SPOCK3: variants seen among roughly 807,000 people sequenced by gnomAD.
The protein encoded by SPOCK3 is testican-3.
A neutral mutation model predicts 56.6 loss-of-function variants in SPOCK3; 30 were observed. The observed-to-expected ratio is 0.53, with a 90% CI of 0.40 to 0.72. The LOEUF (loss-of-function observed/expected upper bound fraction) is 0.72. Ranked by LOEUF, SPOCK3 falls within the 30% of genes least tolerant of loss-of-function variation. The pLI, the probability that SPOCK3 is intolerant of heterozygous loss-of-function variation, is 0.00. For missense variants in SPOCK3, 527 were observed against 530.0 expected, an observed-to-expected ratio of 0.99 and a Z score of 0.06; for synonymous variants, 196 against 183.3, an observed-to-expected ratio of 1.07 and a Z score of -0.56.
At chr4:167,088,019 G>C (rs1309234325) in intron 2 of SPOCK3, among the ~76,000 whole-genome samples, 1 of 151,804 alleles carries the variant, frequency 6.6e-6, no homozygotes, top group Non-Finnish European at 1.5e-5. Flanking sequence ...TTTATGAGCT[G>C]TGTCTATCAG....
At chr4:167,007,346 C>G (rs1749567484) in intron 3 of SPOCK3, among the ~76,000 whole-genome samples, 1 of 152,072 alleles carries the variant, frequency 6.6e-6, no homozygotes, top group Admixed American at 6.6e-5. Flanking sequence ...TTTAAGTAAT[C>G]CCTAGATTAT....
At chr4:167,120,779 C>T (rs895163586) in intron 2 of SPOCK3, among the ~76,000 whole-genome samples, 33 of 135,878 alleles carry the variant, frequency 2.4e-4, no homozygotes, top group African/African-American at 9.1e-4. Context: ...TTTTAAACAT[C>T]AAAAATGGTT....
chr4:167,073,069 T>C (rs1215357216), intron 2 of SPOCK3, among the ~76,000 whole-genome samples: 1 of 151,726 alleles, frequency 6.6e-6, no homozygotes, highest in Non-Finnish European at 1.5e-5. Flanking sequence ...TGTTTCCATA[T>C]GTGCAATAAA....
chr4:167,109,481 A>T (rs1320513691), intron 2 of SPOCK3, among the ~76,000 whole-genome samples: 1 of 107,318 alleles, frequency 9.3e-6, no homozygotes, highest in African/African-American at 3.5e-5. Flanking sequence ...ATATATTTAT[A>T]TAAAATATAT....
chr4:166,785,417 C>A (rs1271914256), intron 7 of SPOCK3, among the ~76,000 whole-genome samples: 1 of 151,998 alleles, frequency 6.6e-6, no homozygotes, highest in Non-Finnish European at 1.5e-5. Flanking sequence ...GTCCAAGATT[C>A]AAGTAAAATA....
intron 4 of SPOCK3, among the ~76,000 whole-genome samples, chr4:166,927,466 C>T (rs926201432): frequency 5.3e-5 from 8 of 152,198 alleles, no homozygotes; most frequent in Admixed American, 5.2e-4. Flanking sequence ...CCACGTGGAA[C>T]TGTGAGTCCA....
intron 2 of SPOCK3, among the ~76,000 whole-genome samples, chr4:167,074,346 C>A (rs1275230869): frequency 6.6e-6 from 1 of 151,956 alleles, no homozygotes. Flanking sequence ...TGCAACTCTT[C>A]CACGTGGCTG....
chr4:167,177,727 C>T (rs1363427195), intron 2 of SPOCK3, among the ~76,000 whole-genome samples: 1 of 152,016 alleles, frequency 6.6e-6, no homozygotes, highest in Non-Finnish European at 1.5e-5. Context: ...TTACACTGAC[C>T]TTTTTCTTTT....
At position 167,085,282 on chromosome 4, in the gene SPOCK3, G is replaced by GAA. The variant is rs577928883; in HGVS notation, c.190-22747_190-22746dup. ...AGAGCAGAGAAAAAATGAAAAGAGA[G>GAA]AAAAAAAAATGCCCAAACAGACTTT... On this transcript the variant is annotated intron_variant, in intron 2 of 10. Transcript: ENST00000357545. Among the ~76,000 whole-genome samples the GAA allele has an allele frequency of 2.0e-5, 3 of 150,166 alleles. No homozygotes were observed. The East Asian group carries it at 5.9e-4, about 29-fold the overall frequency.
At chr4:166,739,816 C>G (rs1344626650) in intron 9 of SPOCK3, among the ~76,000 whole-genome samples, 9 of 151,686 alleles carry the variant, frequency 5.9e-5, no homozygotes, top group Non-Finnish European at 1.3e-4. Context: ...AACATCATAA[C>G]TTCACTATCT....
intron 2 of SPOCK3, among the ~76,000 whole-genome samples, chr4:167,088,914 A>G (rs2150305730): frequency 6.6e-6 from 1 of 152,288 alleles, no homozygotes; most frequent in South Asian, 2.1e-4. Flanking sequence ...AGTCATTCAC[A>G]TATGTTCCCA....
intron 4 of SPOCK3, among the ~76,000 whole-genome samples, chr4:166,996,053 C>T (rs1490310583): frequency 1.3e-5 from 2 of 152,016 alleles, no homozygotes; most frequent in Non-Finnish European, 2.9e-5. Flanking sequence ...CCATGAATTC[C>T]AAGATTGCAT....
chr4:166,803,329 G>A (rs1196887973), intron 6 of SPOCK3, among the ~76,000 whole-genome samples: 1 of 152,142 alleles, frequency 6.6e-6, no homozygotes, highest in East Asian at 1.9e-4. Flanking sequence ...GCCTAAGGAT[G>A]GAGTTGTTCT....
chr4:167,010,246 C>G (rs1264172207), intron 3 of SPOCK3, among the ~76,000 whole-genome samples: 2 of 152,134 alleles, frequency 1.3e-5, no homozygotes, highest in Non-Finnish European at 2.9e-5. Context: ...CCAGGCCAGA[C>G]GTGGTGGCTC....
chr4:167,116,903 G>A (rs1245739908), intron 2 of SPOCK3, among the ~76,000 whole-genome samples: 1 of 80,934 alleles, frequency 1.2e-5, no homozygotes, highest in African/African-American at 7.3e-5. Context: ...ATACTTTTGT[G>A]TGTGTGTGTG....
chr4:166,762,745 A>G (rs1412727243), intron 7 of SPOCK3, among the ~76,000 whole-genome samples: 1 of 152,104 alleles, frequency 6.6e-6, no homozygotes, highest in Non-Finnish European at 1.5e-5. Context: ...CATACAATAA[A>G]TGAAATGAAA....
chr4:167,217,692 C>T (rs1735504784), intron 2 of SPOCK3, among the ~76,000 whole-genome samples: 1 of 151,948 alleles, frequency 6.6e-6, no homozygotes, highest in Non-Finnish European at 1.5e-5. Context: ...CTTTACACAG[C>T]TTATTTTGAT....
chr4:167,093,429 C>G (rs1317245781), intron 2 of SPOCK3, among the ~76,000 whole-genome samples: 2 of 152,076 alleles, frequency 1.3e-5, no homozygotes. Context: ...TCTCCTAATG[C>G]TCTCTCTCCC....
intron 4 of SPOCK3, 113 bp from the exon 5 acceptor site, chr4:166,912,856 CAACA>C (rs1737433093): frequency 2.5e-6 from 2 of 795,996 alleles, no homozygotes; most frequent in Non-Finnish European, 1.8e-6. Flanking sequence ...ACATTAGAAT[CAACA>C]AACTATTCTC....
Sources: gnomAD v4.1 joint callset for allele counts (sites outside exome capture counted in the v4.1 genomes callset) on GRCh38, gnomAD v4.1.1 for gene constraint, MANE v1.5 for transcripts, NCBI Gene and HGNC (gene_info 2026-07-23, HGNC 2026-07-21) for gene names.